The following CNTN3 variants were observed in gnomAD, a reference collection of about 807,000 sequenced individuals.
CNTN3 encodes the protein contactin-3.
CNTN3 carries 60 observed loss-of-function variants against 119.1 expected under a neutral mutation model. The observed-to-expected ratio is 0.50, with a 90% CI of 0.41 to 0.62. The LOEUF (loss-of-function observed/expected upper bound fraction) is 0.62, where lower values mean the gene tolerates loss of function less well. CNTN3 is among the 20% of genes least tolerant of loss of function. The probability of loss-of-function intolerance (pLI) is 0.00; values close to 1 mark genes in which losing one functional copy is unlikely to be tolerated. For missense variants in CNTN3, 1,101 were observed against 1,242.4 expected (o/e 0.89, Z 1.71); for synonymous variants, 450 against 438.7 (o/e 1.03, Z -0.32).
At chr3:74,524,004 G>A (rs965046499) in intron 1 of CNTN3, among the ~76,000 whole-genome samples, 31 of 151,700 alleles carry the variant, frequency 2.0e-4, no homozygotes, top group African/African-American at 5.8e-4. Flanking sequence ...TCTTTGCACC[G>A]GACATCAAGT....
intron 1 of CNTN3, among the ~76,000 whole-genome samples, chr3:74,560,445 T>C (rs544852436): frequency 4.6e-5 from 7 of 152,258 alleles, no homozygotes; most frequent in African/African-American, 1.7e-4. Flanking sequence ...AAAAATAAAA[T>C]ATATAATAAA....
chr3:74,388,875 C>T (rs1008794123), intron 5 of CNTN3, among the ~76,000 whole-genome samples: 3 of 152,084 alleles, frequency 2.0e-5, no homozygotes, highest in African/African-American at 7.2e-5. Context: ...CCACCACTTC[C>T]TTTTTTCATT....
At chr3:74,353,710 T>C (rs936978723) in intron 11 of CNTN3, among the ~76,000 whole-genome samples, 8 of 152,118 alleles carry the variant, frequency 5.3e-5, no homozygotes, top group East Asian at 3.9e-4. Context: ...GAGCCGAGAT[T>C]GCGCCACTGC....
intron 4 of CNTN3, among the ~76,000 whole-genome samples, chr3:74,471,602 T>C (rs942963811): frequency 6.6e-6 from 1 of 152,188 alleles, no homozygotes; most frequent in African/African-American, 2.4e-5. Context: ...TGGAATATGA[T>C]GGTTTACATA....
chr3:74,448,578 T>A (rs1702090055), intron 4 of CNTN3, among the ~76,000 whole-genome samples: 1 of 152,088 alleles, frequency 6.6e-6, no homozygotes. Context: ...TATAAATTAT[T>A]TAGCTTGCCT....
chr3:74,521,253 G>A (rs926579664), intron 1 of CNTN3, 61 bp from the exon 2 acceptor site: 48 of 423,102 alleles, frequency 1.1e-4, no homozygotes, highest in Admixed American at 2.3e-4. Context: ...CTTTAAAAAA[G>A]AGATTTTCTT....
chr3:74,516,992 T>C (rs551695857), intron 2 of CNTN3, among the ~76,000 whole-genome samples: 7 of 151,952 alleles, frequency 4.6e-5, no homozygotes, highest in Admixed American at 1.3e-4. Context: ...CTGGCCACAG[T>C]TCCTGCTTCT....
chr3:74,437,755 T>G (rs1476838997), intron 4 of CNTN3, among the ~76,000 whole-genome samples: 2 of 152,116 alleles, frequency 1.3e-5, no homozygotes, highest in Non-Finnish European at 2.9e-5. Context: ...AACTACACTT[T>G]TTTTTCCCAT....
intron 1 of CNTN3, among the ~76,000 whole-genome samples, chr3:74,578,073 A>C (rs1290367104): frequency 6.6e-6 from 1 of 152,068 alleles, no homozygotes; most frequent in Non-Finnish European, 1.5e-5. Flanking sequence ...TACAAGGTCA[A>C]GTTGACGCTA....
Position 74,302,813 on chromosome 3 carries a change from G to A in CNTN3, c.1669-6C>T, listed in dbSNP as rs1203620550. On this transcript the variant is annotated splice_polypyrimidine_tract_variant and splice_region_variant and intron_variant, in intron 13 of 22. Coordinates refer to ENST00000263665, the MANE Select transcript of CNTN3 (RefSeq NM_020872.3). ...ATTAAATCACCAGATGAACTCTGTT[G>A]GGAAAACAGGTAATGAATACACTGT... 2 of 1,563,080 alleles carry A rather than the reference G, an allele frequency of 1.3e-6. No individual in the cohort carries two copies. The highest frequency in any genetic ancestry group is 1.7e-5 in the Admixed American group (1 of 59,546).
At chr3:74,375,645 A>G (rs140104269) in intron 5 of CNTN3, among the ~76,000 whole-genome samples, 76 of 152,206 alleles carry the variant, frequency 5.0e-4, no homozygotes, top group African/African-American at 1.8e-3. Flanking sequence ...TAGTCAGAGA[A>G]TGACATTTCA....
intron 1 of CNTN3, among the ~76,000 whole-genome samples, chr3:74,585,647 A>G (rs1704581064): frequency 6.6e-6 from 1 of 152,176 alleles, no homozygotes; most frequent in African/African-American, 2.4e-5. Flanking sequence ...TGATCACTAA[A>G]TAGTAAGTAT....
intron 1 of CNTN3, among the ~76,000 whole-genome samples, chr3:74,557,632 C>A (rs1391415094): frequency 6.6e-6 from 1 of 151,040 alleles, no homozygotes; most frequent in Non-Finnish European, 1.5e-5. Flanking sequence ...AGAAAGGTAA[C>A]ATTTCCGCCA....
At chr3:74,428,943 G>A (rs1701740069) in intron 4 of CNTN3, among the ~76,000 whole-genome samples, 1 of 152,270 alleles carries the variant, frequency 6.6e-6, no homozygotes, top group East Asian at 1.9e-4. Flanking sequence ...TAAGTAAAGT[G>A]ATCTGCTGTA....
intron 1 of CNTN3, among the ~76,000 whole-genome samples, chr3:74,585,748 G>C (rs1704582745): frequency 6.6e-6 from 1 of 151,994 alleles, no homozygotes; most frequent in Non-Finnish European, 1.5e-5. Flanking sequence ...CCAAATGACT[G>C]TCTTAAAAAC....
At chr3:74,343,271 G>A (rs145576838) in intron 11 of CNTN3, among the ~76,000 whole-genome samples, 24 of 152,274 alleles carry the variant, frequency 1.6e-4, no homozygotes, top group African/African-American at 5.1e-4. Context: ...CCATTATTGC[G>A]TGGTAAAGAG....
chr3:74,517,516 T>C (rs76047674), intron 2 of CNTN3, among the ~76,000 whole-genome samples: 3,884 of 151,986 alleles, frequency 0.026, 163 homozygotes, highest in African/African-American at 0.084. Flanking sequence ...TGTCAGTAAG[T>C]ATAATTCAGT....
intron 5 of CNTN3, among the ~76,000 whole-genome samples, chr3:74,378,254 T>C (rs1487697518): frequency 6.6e-6 from 1 of 152,176 alleles, no homozygotes; most frequent in Non-Finnish European, 1.5e-5. Context: ...CTAAGGATAA[T>C]TTAAGGTTCA....
intron 4 of CNTN3, among the ~76,000 whole-genome samples, chr3:74,432,667 A>T (rs1311266833): frequency 1.1e-4 from 16 of 152,228 alleles, no homozygotes; most frequent in Admixed American, 1.0e-3. Context: ...CACTTAGAAG[A>T]TCTCCTAAAT....
Sources: gnomAD v4.1 joint callset for allele counts (sites outside exome capture counted in the v4.1 genomes callset) on GRCh38, gnomAD v4.1.1 for gene constraint, MANE v1.5 for transcripts, NCBI Gene and HGNC (gene_info 2026-07-23, HGNC 2026-07-21) for gene names.